Variants in VRK2 observed in about 807,000 individuals in gnomAD.
VRK2 encodes serine/threonine-protein kinase VRK2.
VRK2 carries 60 observed loss-of-function variants against 57.6 expected under a neutral mutation model. That is an observed-to-expected ratio of 1.04 (90% CI 0.85 to 1.29). The LOEUF is 1.29. VRK2 is among the 50% of genes most tolerant of loss of function. The pLI, the probability that VRK2 is intolerant of heterozygous loss-of-function variation, is 0.00. For missense variants in VRK2, 705 were observed against 588.1 expected (o/e 1.20, Z -2.06); for synonymous variants, 231 against 199.2 (o/e 1.16, Z -1.35).
chr2:58,119,525 G>C (rs982087944), intron 7 of VRK2, among the ~76,000 whole-genome samples: 6 of 149,946 alleles, frequency 4.0e-5, no homozygotes, highest in Admixed American at 3.3e-4. Flanking sequence ...CTGTAATTTG[G>C]AATATTATTT....
At chr2:58,068,824 A>AGC (rs1379442013) in intron 2 of VRK2, among the ~76,000 whole-genome samples, 1 of 150,712 alleles carries the variant, frequency 6.6e-6, no homozygotes, top group African/African-American at 2.4e-5. Flanking sequence ...AAAAAAAAAA[A>AGC]AAAAACAAAA....
At chr2:58,013,944 GCAAAATTTTGTTAATTTA>G (rs1673496063) in intron 1 of VRK2, among the ~76,000 whole-genome samples, 1 of 150,488 alleles carries the variant, frequency 6.6e-6, no homozygotes, top group African/African-American at 2.4e-5. Flanking sequence ...ATATTGGACT[GCAAAATTTTGTTAATTTA>G]CTCAAATTTG....
intron 3 of VRK2, among the ~76,000 whole-genome samples, chr2:58,039,208 T>C (rs911902320): frequency 2.6e-5 from 4 of 152,140 alleles, no homozygotes; most frequent in African/African-American, 9.7e-5. Flanking sequence ...GATCCTCACA[T>C]AGGATCATAT....
rs761494059 is a variant in VRK2, at chr2:58,123,148, G to C, written c.591G>C (p.Gly197=). 6.3e-7 allele frequency: 1 copy of C among 1,597,210 alleles called. No individual in the cohort carries two copies. Among genetic ancestry groups the C allele is most frequent in the Non-Finnish European group, 8.5e-7 (1 of 1,175,362 alleles). ...YGLSYRYCPN[G]NHKQYQENPR... is the part of the protein sequence containing the mutation. ...TTTCCTACAGATATTGTCCCAATGG[G>C]AACCACAAACAGTATCAGGAAAATC... Residue 197 remains glycine (G), a synonymous_variant, in exon 8 of 13, where the codon GGG becomes GGC. Transcript: ENST00000340157.
At chr2:58,092,950 G>A (rs546823049) in intron 7 of VRK2, among the ~76,000 whole-genome samples, 10 of 152,278 alleles carry the variant, frequency 6.6e-5, no homozygotes, top group African/African-American at 1.7e-4. Context: ...TCCTGAGAAT[G>A]ATGGTTTCCA....
intron 7 of VRK2, among the ~76,000 whole-genome samples, chr2:58,105,804 AC>A (rs1468821297): frequency 6.6e-6 from 1 of 151,890 alleles, no homozygotes; most frequent in South Asian, 2.1e-4. Flanking sequence ...GACCTCAAAT[AC>A]TATCTTTGAA....
chr2:58,069,772 C>A (rs562597477), intron 2 of VRK2, among the ~76,000 whole-genome samples: 1 of 152,076 alleles, frequency 6.6e-6, no homozygotes, highest in East Asian at 1.9e-4. Context: ...CTGCACTCTC[C>A]GACTTAGGAT....
chr2:58,044,794 G>A (rs1457161717), upstream of VRK2, among the ~76,000 whole-genome samples: 1 of 152,176 alleles, frequency 6.6e-6, no homozygotes, highest in Non-Finnish European at 1.5e-5. Flanking sequence ...GAGAGTAATA[G>A]GACATTGGGG....
intron 2 of VRK2, among the ~76,000 whole-genome samples, chr2:58,080,487 AT>A (rs941496561): frequency 3.4e-4 from 52 of 151,504 alleles, no homozygotes; most frequent in African/African-American, 1.2e-3. Flanking sequence ...AATGTTGTTA[AT>A]TTTTTTTCCT....
chr2:57,927,639 C>A (rs1263941854), intron 1 of VRK2, among the ~76,000 whole-genome samples: 1 of 152,146 alleles, frequency 6.6e-6, no homozygotes, highest in Admixed American at 6.6e-5. Context: ...GAGTTTTACA[C>A]CTTCAGATGA....
Position 58,068,249 on chromosome 2 carries a change from A to C in VRK2, c.137-15840A>C, listed in dbSNP as rs1376361840. On this transcript the variant is annotated intron_variant, in intron 2 of 12. Coordinates refer to ENST00000340157, the MANE Select transcript of VRK2 (RefSeq NM_006296.7). ...ATCTTTCTTTAGAAATTCTTAACAC[A>C]GCAAGTCTGCTGACCATTAATTCTC... 2.0e-5 allele frequency among the ~76,000 whole-genome samples: 3 copies of C among 152,124 alleles called. No individual in the cohort carries two copies. In the East Asian group the frequency reaches 5.8e-4, roughly 29 times the overall value.
At chr2:58,082,265 G>A (rs1670994857) in intron 2 of VRK2, among the ~76,000 whole-genome samples, 1 of 151,886 alleles carries the variant, frequency 6.6e-6, no homozygotes, top group Non-Finnish European at 1.5e-5. Context: ...CCTTGGACTG[G>A]TTGGACATCT....
intron 1 of VRK2, among the ~76,000 whole-genome samples, chr2:57,941,201 GA>G (rs752879147): frequency 6.6e-6 from 1 of 152,150 alleles, no homozygotes; most frequent in Non-Finnish European, 1.5e-5. Flanking sequence ...TCTAAACTAA[GA>G]AATCTGTTAA....
chr2:57,921,783 TTA>T (rs1670358832), intron 1 of VRK2, among the ~76,000 whole-genome samples: 2 of 152,230 alleles, frequency 1.3e-5, no homozygotes, highest in South Asian at 4.1e-4. Context: ...TTGCTATGAT[TTA>T]TGTTTTATAA....
At chr2:58,109,865 A>G (rs1675302808) in intron 7 of VRK2, among the ~76,000 whole-genome samples, 1 of 151,564 alleles carries the variant, frequency 6.6e-6, no homozygotes, top group South Asian at 2.1e-4. Context: ...CTGTATGTAA[A>G]TATATATATA....
At chr2:57,962,307 G>A (rs554616974) in intron 1 of VRK2, among the ~76,000 whole-genome samples, 3 of 152,040 alleles carry the variant, frequency 2.0e-5, no homozygotes, top group Admixed American at 6.6e-5. Context: ...CAATTCGTGG[G>A]CTAGGAACTA....
intron 3 of VRK2, among the ~76,000 whole-genome samples, chr2:58,036,790 G>A (rs1674288781): frequency 1.3e-5 from 2 of 151,922 alleles, no homozygotes; most frequent in Admixed American, 1.3e-4. Context: ...CTATAGTAGT[G>A]ATGTCCAACA....
chr2:58,016,418 C>T (rs1420768323), intron 1 of VRK2, among the ~76,000 whole-genome samples: 1 of 152,164 alleles, frequency 6.6e-6, no homozygotes, highest in Non-Finnish European at 1.5e-5. Context: ...GCAATCTTGG[C>T]TCACTGCAAC....
At chr2:57,969,269 C>A (rs1224018158) in intron 1 of VRK2, among the ~76,000 whole-genome samples, 1 of 151,782 alleles carries the variant, frequency 6.6e-6, no homozygotes, top group Non-Finnish European at 1.5e-5. Context: ...GTAGACAAAG[C>A]AACATATACA....
Sources: gnomAD v4.1 joint callset for allele counts (sites outside exome capture counted in the v4.1 genomes callset) on GRCh38, gnomAD v4.1.1 for gene constraint, MANE v1.5 for transcripts, NCBI Gene and HGNC (gene_info 2026-07-23, HGNC 2026-07-21) for gene names.